TTC16: variants seen among roughly 807,000 people sequenced by gnomAD.
The protein encoded by TTC16 is tetratricopeptide repeat protein 16.
Under a neutral mutation model 80.4 loss-of-function variants are expected in TTC16, and 66 were observed. That is an observed-to-expected ratio of 0.82 (90% CI 0.67 to 1.01). TTC16 has a LOEUF of 1.01. Ranked by LOEUF, TTC16 falls within the 50% of genes least tolerant of loss-of-function variation. TTC16 has a pLI of 0.00. For synonymous variants in TTC16, 438 were observed against 451.3 expected, an observed-to-expected ratio of 0.97 and a Z score of 0.37; for missense variants, 1,070 against 1,103.2, an observed-to-expected ratio of 0.97 and a Z score of 0.43.
Position 127,720,284 on chromosome 9 carries a change from C to T in TTC16, c.546C>T (p.Ala182=), listed in dbSNP as rs555736611. 24 of 1,613,432 alleles carry T rather than the reference C, an allele frequency of 1.5e-5. No homozygotes were observed. In the South Asian group the frequency reaches 2.3e-4, roughly 15 times the overall value. ...CCCTCAGCATGGCCTGTCTCCTGGC[C>T]CTCAAGCAGCATCAGGCCTGCCTCA... The part of the protein sequence containing the change: ...FRYRCMACLL[A]LKQHQACLTL... Residue 182 remains alanine, a synonymous_variant, in exon 6 of 14, where the codon GCC becomes GCT. Transcript: ENST00000373289.
Position 127,724,861 on chromosome 9 carries a change from T to A in TTC16, c.1223T>A (p.Leu408Gln), listed in dbSNP as rs529207063. ...DEGANTRMGL[L>Q]QEKMGFCEQR... The stretch of plus-strand genomic sequence containing the variant: ...GGCGCCAACACGCGCATGGGCCTGC[T>A]GCAGGAGAAGATGGGCTTCTGCGAG... The change falls in exon 9 of 14, where the codon CTG becomes CAG. Residue 408 changes from leucine to glutamine, a missense_variant. Coordinates refer to ENST00000373289, the MANE Select transcript of TTC16 (RefSeq NM_144965.3). The A allele has an allele frequency of 3.2e-6, 5 of 1,581,344 alleles. No homozygotes were observed. In the African/African-American group the frequency reaches 6.7e-5, roughly 21 times the overall value.
chr9:127,727,198 C>T (rs1844050014), intron 11 of TTC16, 72 bp from the exon 12 acceptor site: 7 of 1,522,440 alleles, frequency 4.6e-6, no homozygotes, highest in African/African-American at 1.4e-5. Context: ...ATGACGGGGC[C>T]GTTGTCTAGT....
Position 127,723,322 on chromosome 9 carries a change from C to T in TTC16, c.861C>T (p.Leu287=), listed in dbSNP as rs1843649208. 6.2e-7 allele frequency: 1 copy of T among 1,612,664 alleles called. No individual in the cohort carries two copies. The highest frequency in any genetic ancestry group is 1.7e-5 in the Admixed American group (1 of 60,018). Residue 287 remains leucine (L), a synonymous_variant, in exon 7 of 14, where the codon CTC becomes CTT. Transcript: ENST00000373289. ...AGAACAACCCTCTGGACCCCAGTCT[C>T]TTCCTCTTCCGGTACTGCATGGGAA... ...AIENNPLDPS[L]FLFRGTMYRR...
At position 127,725,674 on chromosome 9, in the gene TTC16, A is replaced by G. The variant is rs1843897391; in HGVS notation, c.1260-565A>G. Among the ~76,000 whole-genome samples the G allele has an allele frequency of 2.7e-5, 4 of 148,808 alleles. No individual in the cohort carries two copies. In the South Asian group the frequency reaches 6.5e-4, roughly 24 times the overall value. On this transcript the variant is annotated intron_variant, in intron 9 of 13. Transcript: ENST00000373289. Reference sequence around the variant, plus strand: ...GAGTGTAATGGCGCCATCTCAGCTCACTGCAACCTCCACCTCCCGGGTTCA... The same window carrying G: ...GAGTGTAATGGCGCCATCTCAGCTCGCTGCAACCTCCACCTCCCGGGTTCA...
At chr9:127,729,502 CCAGGG>C in intron 12 of TTC16, 74 bp from the exon 13 acceptor site, 33 of 1,218,712 alleles carry the variant, frequency 2.7e-5, no homozygotes, top group Non-Finnish European at 4.0e-5. Flanking sequence ...ACCGAGGGGC[CCAGGG>C]CTGCTGGCCT....
rs766282870 is a variant in TTC16 at position 127,724,864 on chromosome 9, A to T, written c.1226A>T (p.Gln409Leu). Residue 409 changes from glutamine to leucine, a missense_variant, in exon 9 of 14, where the codon CAG (glutamine) becomes CTG (leucine). Transcript: ENST00000373289. ...EGANTRMGLL[Q>L]EKMGFCEQRR... The stretch of plus-strand genomic sequence containing the variant: ...GCCAACACGCGCATGGGCCTGCTGC[A>T]GGAGAAGATGGGCTTCTGCGAGCAG... 1 of 1,578,544 alleles carries T rather than the reference A, an allele frequency of 6.3e-7. No individual in the cohort carries two copies. The highest frequency in any genetic ancestry group is 1.8e-5 in the Admixed American group (1 of 54,148).
intron 12 of TTC16, chr9:127,728,345 C>CG (rs1844139930): frequency 6.6e-6 from 1 of 152,246 alleles, no homozygotes; most frequent in South Asian, 2.1e-4. Context: ...CGGGTGGCAG[C>CG]GGCCTGCTCC....
rs1432905850 is a variant in TTC16, at chr9:127,720,079, G to A, written c.428G>A (p.Gly143Glu). Residue 143 changes from glycine to glutamate, a missense_variant and splice_region_variant, in exon 5 of 14, where the codon GGA becomes GAA. Transcript: ENST00000373289. ...ERLTFVLYLQ[G>E]QCLFEQCAFL... is the part of the protein sequence containing the mutation. ...ATTGACTGTCCCCTGTGTCCCCAGG[G>A]ACAATGCCTTTTTGAGCAGTGTGCC... 1 of 1,613,604 alleles carries A rather than the reference G, an allele frequency of 6.2e-7. No homozygotes were observed. The highest frequency in any genetic ancestry group is 1.3e-5 in the African/African-American group (1 of 74,912).
At chr9:127,716,216 C>A in intron 1 of TTC16, 53 bp downstream of exon 1, 2 of 1,613,140 alleles carry the variant, frequency 1.2e-6, no homozygotes, top group Non-Finnish European at 8.5e-7. Flanking sequence ...GCAGAGAGAC[C>A]GAGGCTGGGT....
intron 10 of TTC16, 133 bp from the exon 11 acceptor site, chr9:127,726,837 A>T (rs1844016893): frequency 1.1e-6 from 1 of 912,082 alleles, no homozygotes; most frequent in Non-Finnish European, 1.7e-6. Flanking sequence ...AAGCAAACAA[A>T]AAACATTGCA....
chr9:127,725,275 A>G (rs1284629342), intron 9 of TTC16, among the ~76,000 whole-genome samples: 1 of 151,160 alleles, frequency 6.6e-6, no homozygotes, highest in Admixed American at 6.6e-5. Flanking sequence ...CTCTGTCCCA[A>G]AAAAAAAGGC....
chr9:127,719,641 C>A (rs1285003613), intron 4 of TTC16, among the ~76,000 whole-genome samples: 1 of 152,154 alleles, frequency 6.6e-6, no homozygotes, highest in Non-Finnish European at 1.5e-5. Context: ...TACAGGCATG[C>A]ACTAACACAC....
At chr9:127,724,568 TA>T in intron 8 of TTC16, 187 bp from the exon 9 acceptor site, 1 of 1,097,922 alleles carries the variant, frequency 9.1e-7, no homozygotes, top group Non-Finnish European at 1.3e-6. Context: ...CCAGACTCCT[TA>T]AAATGCTCAA....
At chr9:127,720,839 T>C (rs2988719) in intron 6 of TTC16, among the ~76,000 whole-genome samples, 1 of 1,090 alleles carries the variant, frequency 9.2e-4, no homozygotes, top group African/African-American at 4.4e-3. Flanking sequence ...CCTTCCCTCC[T>C]CCCTTCCTCC....
chr9:127,724,689 C>A, intron 8 of TTC16, 67 bp from the exon 9 acceptor site: 1 of 1,557,098 alleles, frequency 6.4e-7, no homozygotes, highest in Non-Finnish European at 8.6e-7. Context: ...CGGGCTGGAG[C>A]CGGCTGGGCT....
Position 127,718,385 on chromosome 9 carries a change from G to GC in TTC16, c.426+615dup, listed in dbSNP as rs1452682415. On this transcript the variant is annotated intron_variant, in intron 4 of 13. Coordinates refer to ENST00000373289, the MANE Select transcript of TTC16 (RefSeq NM_144965.3). This position sits in a 1 kb window ranked among gnomAD's most constrained non-coding sequence, Gnocchi z 4.6. Reference sequence around the variant, plus strand: ...TTACAGATGTGAGCCACTGCGCCCGGCCTCTTATTTTTATTTTAATTAATT... The same window carrying GC: ...TTACAGATGTGAGCCACTGCGCCCGGCCCTCTTATTTTTATTTTAATTAATT... Among the ~76,000 whole-genome samples the GC allele has an allele frequency of 6.6e-6, 1 of 152,054 alleles. No homozygotes were observed. Among genetic ancestry groups the GC allele is most frequent in the Non-Finnish European group, 1.5e-5 (1 of 68,018 alleles).
Position 127,724,883 on chromosome 9 carries a change from CGA to C in TTC16, c.1247_1248del (p.Glu416AlafsTer78). ...TGCTGCAGGAGAAGATGGGCTTCTG[CGA>C]GCAGAGGCGCAAGTGCGTGGGCTCC... is the stretch of plus-strand genomic sequence containing the variant. ...GLLQEKMGFC[E>X]QRRKQFQKAE... On this transcript the variant is annotated frameshift_variant, in exon 9 of 14. Transcript: ENST00000373289. LOFTEE classifies it high-confidence loss of function. 6.5e-7 allele frequency: 1 copy of C among 1,549,894 alleles called. No individual in the cohort carries two copies. The highest frequency in any genetic ancestry group is 2.4e-5 in the East Asian group (1 of 42,424).
chr9:127,730,890 C>T lies in TTC16; in HGVS notation c.2107C>T (p.His703Tyr). 1 of 1,611,320 alleles carries T rather than the reference C, an allele frequency of 6.2e-7. No homozygotes were observed. The highest frequency in any genetic ancestry group is 8.5e-7 in the Non-Finnish European group (1 of 1,179,506). The change falls in exon 14 of 14, where the codon CAC becomes TAC. Residue 703 changes from histidine to tyrosine, a missense_variant. Physicochemically the swap from His to Tyr is moderately conservative, Grantham distance 83. Transcript: ENST00000373289. ...RNSSKTKATI[H>Y]KRNSSKTKAT... ...CTCCAGCAAGACCAAGGCCACTATA[C>T]ACAAGAGGAACTCCAGCAAGACCAA... is the stretch of plus-strand genomic sequence containing the variant.
Position 127,720,121 on chromosome 9 carries a change from A to G in TTC16, c.470A>G (p.Asn157Ser), listed in dbSNP as rs1438305279. The change falls in exon 5 of 14, where the codon AAT becomes AGT. Residue 157 changes from asparagine (N) to serine (S), a missense_variant. Asn to Ser is a conservative substitution (Grantham distance 46). Coordinates refer to ENST00000373289, the MANE Select transcript of TTC16 (RefSeq NM_144965.3). Reference protein sequence around the residue: ...FEQCAFLDALNVFSHAAELQP... With the variant: ...FEQCAFLDALSVFSHAAELQP... Reference sequence around the variant, plus strand: ...CAGTGTGCCTTCCTGGATGCCCTGAATGTCTTCTCACATGCTGCTGAGCTC... The same window carrying G: ...CAGTGTGCCTTCCTGGATGCCCTGAGTGTCTTCTCACATGCTGCTGAGCTC... 6.2e-7 allele frequency: 1 copy of G among 1,613,844 alleles called. No individual in the cohort carries two copies. The highest frequency in any genetic ancestry group is 1.7e-5 in the Admixed American group (1 of 60,022).
Sources: gnomAD v4.1 joint callset for allele counts (sites outside exome capture counted in the v4.1 genomes callset) on GRCh38, gnomAD v4.1.1 for gene constraint, Gnocchi (gnomAD v3.1) non-coding constraint, MANE v1.5 for transcripts, NCBI Gene and HGNC (gene_info 2026-07-23, HGNC 2026-07-21) for gene names.